The following GPC5 variants were observed in gnomAD, a reference collection of about 807,000 sequenced individuals.
The protein encoded by GPC5 is glypican-5.
GPC5 carries 47 observed loss-of-function variants against 53.9 expected under a neutral mutation model. That is an observed-to-expected ratio of 0.87 (90% CI 0.69 to 1.11). GPC5 has a LOEUF of 1.11. GPC5 is among the 50% of genes most tolerant of loss of function. The probability of loss-of-function intolerance (pLI) is 0.00; values close to 1 mark genes in which losing one functional copy is unlikely to be tolerated. For missense variants in GPC5, 748 were observed against 713.1 expected (o/e 1.05, Z -0.56); for synonymous variants, 286 against 263.3 (o/e 1.09, Z -0.84).
At chr13:92,440,786 A>G (rs1333333902) in intron 7 of GPC5, among the ~76,000 whole-genome samples, 3 of 152,166 alleles carry the variant, frequency 2.0e-5, no homozygotes, top group Non-Finnish European at 4.4e-5. Flanking sequence ...AACAAAAGCC[A>G]TTCTGACTGG....
intron 7 of GPC5, among the ~76,000 whole-genome samples, chr13:92,560,507 A>G (rs1232121517): frequency 6.6e-6 from 1 of 152,060 alleles, no homozygotes; most frequent in Non-Finnish European, 1.5e-5. Flanking sequence ...TGGCTGTCAC[A>G]TTAATGTTTG....
At chr13:92,639,210 A>G (rs951271563) in intron 7 of GPC5, among the ~76,000 whole-genome samples, 5 of 152,328 alleles carry the variant, frequency 3.3e-5, no homozygotes, top group Non-Finnish European at 7.4e-5. Flanking sequence ...ATCTTGTAAC[A>G]TACCCACTAA....
intron 2 of GPC5, among the ~76,000 whole-genome samples, chr13:91,508,562 A>G (rs1885070713): frequency 6.6e-6 from 1 of 152,194 alleles, no homozygotes; most frequent in African/African-American, 2.4e-5. Flanking sequence ...TTAACTCAGT[A>G]GAAGGAGGAC....
At chr13:92,027,450 G>A (rs2138800612) in intron 6 of GPC5, among the ~76,000 whole-genome samples, 1 of 152,232 alleles carries the variant, frequency 6.6e-6, no homozygotes, top group Admixed American at 6.5e-5. Flanking sequence ...GCTGTACATT[G>A]TTTTGGTTAA....
rs544721371 is a variant in GPC5 at position 91,716,076 on chromosome 13, G to T, written c.1021-12456G>T. On this transcript the variant is annotated intron_variant, in intron 3 of 7. Coordinates refer to ENST00000377067, the MANE Select transcript of GPC5 (RefSeq NM_004466.6). ...TTACAGGCATGAGCCACCATGCCTG[G>T]CCCATCTTGATTTTTTTTTTTAAAG... Among the ~76,000 whole-genome samples, 9 of 151,966 alleles carry T rather than the reference G, an allele frequency of 5.9e-5. No homozygotes were observed. In the East Asian group the frequency reaches 1.5e-3, roughly 26 times the overall value.
intron 7 of GPC5, among the ~76,000 whole-genome samples, chr13:92,757,948 GA>G (rs1043835316): frequency 5.2e-4 from 79 of 151,236 alleles, no homozygotes; most frequent in Non-Finnish European, 1.2e-4. Context: ...TCTAGAACTG[GA>G]AATACCATTT....
chr13:92,856,825 T>C (rs1293675543), intron 7 of GPC5, among the ~76,000 whole-genome samples: 2 of 151,888 alleles, frequency 1.3e-5, no homozygotes, highest in African/African-American at 2.4e-5. Flanking sequence ...ATGAAAGAAA[T>C]TGCAGATGAC....
At chr13:92,036,708 CT>C (rs2040895801) in intron 6 of GPC5, among the ~76,000 whole-genome samples, 2 of 152,202 alleles carry the variant, frequency 1.3e-5, no homozygotes, top group African/African-American at 4.8e-5. Flanking sequence ...AAACACAACT[CT>C]TTATTTTTCC....
chr13:92,238,850 T>C (rs188303124), intron 7 of GPC5, among the ~76,000 whole-genome samples: 12 of 152,096 alleles, frequency 7.9e-5, no homozygotes, highest in Non-Finnish European at 1.3e-4. Context: ...TCATCAAGAT[T>C]TATGCCTATA....
At position 92,853,211 on chromosome 13, in the gene GPC5, T is replaced by C. The variant is rs1054029334; in HGVS notation, c.1562-13071T>C. Among the ~76,000 whole-genome samples, 4 of 152,326 alleles carry C rather than the reference T, an allele frequency of 2.6e-5. No individual in the cohort carries two copies. In the South Asian group the frequency reaches 8.3e-4, roughly 32 times the overall value. ...ATGTAGTCCTCCTTATCTGAGATTT[T>C]AGTTTCTGTGGTTTCATTTACCTGT... is the stretch of plus-strand genomic sequence containing the variant. On this transcript the variant is annotated intron_variant, in intron 7 of 7. Coordinates refer to ENST00000377067, the MANE Select transcript of GPC5 (RefSeq NM_004466.6).
chr13:92,141,529 A>G (rs2041830527), intron 6 of GPC5, among the ~76,000 whole-genome samples: 1 of 152,190 alleles, frequency 6.6e-6, no homozygotes. Context: ...GAAACATGCT[A>G]GAGAATCAAA....
At chr13:92,089,093 G>GA (rs1478733758) in intron 6 of GPC5, among the ~76,000 whole-genome samples, 4 of 152,052 alleles carry the variant, frequency 2.6e-5, no homozygotes, top group Non-Finnish European at 4.4e-5. Flanking sequence ...ATCAAGTCCG[G>GA]AAAAATAGAA....
At chr13:92,541,758 G>A (rs1049703521) in intron 7 of GPC5, among the ~76,000 whole-genome samples, 7 of 151,778 alleles carry the variant, frequency 4.6e-5, no homozygotes, top group East Asian at 1.9e-4. Context: ...TTTACTTTGC[G>A]CATGTATGTC....
At chr13:92,434,327 A>G (rs1239005993) in intron 7 of GPC5, among the ~76,000 whole-genome samples, 1 of 152,202 alleles carries the variant, frequency 6.6e-6, no homozygotes, top group African/African-American at 2.4e-5. Flanking sequence ...AAATGTCTTG[A>G]ATCAAGAAGA....
At chr13:91,472,007 G>T (rs996495828) in intron 2 of GPC5, among the ~76,000 whole-genome samples, 2 of 152,062 alleles carry the variant, frequency 1.3e-5, no homozygotes, top group African/African-American at 4.8e-5. Context: ...AATATTCATA[G>T]CTTTAAATGT....
intron 1 of GPC5, among the ~76,000 whole-genome samples, chr13:91,423,576 G>T (rs576536570): frequency 1.3e-5 from 2 of 152,234 alleles, no homozygotes; most frequent in South Asian, 4.2e-4. Flanking sequence ...CAGTAGAGGG[G>T]GGGTGTGGGG....
intron 7 of GPC5, among the ~76,000 whole-genome samples, chr13:92,308,669 A>G (rs1332501392): frequency 2.6e-5 from 4 of 152,130 alleles, no homozygotes; most frequent in Non-Finnish European, 5.9e-5. Flanking sequence ...GCCGTTTCAT[A>G]TTCAGTTATC....
At chr13:91,963,816 G>A (rs2040150485) in intron 6 of GPC5, among the ~76,000 whole-genome samples, 1 of 152,102 alleles carries the variant, frequency 6.6e-6, no homozygotes, top group Non-Finnish European at 1.5e-5. Context: ...CACTGCACCT[G>A]TGGTCCAAAA....
chr13:91,571,839 T>TGTGTGTGTGTATACACACACATATACGTG (rs1555325833), intron 2 of GPC5, among the ~76,000 whole-genome samples: 1 of 91,132 alleles, frequency 1.1e-5, no homozygotes, highest in African/African-American at 7.7e-5. Flanking sequence ...ACACATATAC[T>TGTGTGTGTGTATACACACACATATACGTG]TGTGTGTATA....
Sources: gnomAD v4.1 joint callset for allele counts (sites outside exome capture counted in the v4.1 genomes callset) on GRCh38, gnomAD v4.1.1 for gene constraint, MANE v1.5 for transcripts, NCBI Gene and HGNC (gene_info 2026-07-23, HGNC 2026-07-21) for gene names.